ZNF438: variants seen among roughly 807,000 people sequenced by gnomAD.
ZNF438 encodes zinc finger protein 438.
Under a neutral mutation model 38.0 loss-of-function variants are expected in ZNF438, and 25 were observed. That is an observed-to-expected ratio of 0.66 (90% CI 0.48 to 0.92). ZNF438 has a LOEUF of 0.92. Ranked by LOEUF, ZNF438 falls within the 40% of genes least tolerant of loss-of-function variation. The probability of loss-of-function intolerance (pLI) is 0.00; values close to 1 mark genes in which losing one functional copy is unlikely to be tolerated. For synonymous variants in ZNF438, 372 were observed against 364.1 expected, an observed-to-expected ratio of 1.02 and a Z score of -0.25; for missense variants, 1,007 against 999.6, an observed-to-expected ratio of 1.01 and a Z score of -0.10.
chr10:30,979,146 A>T (rs1372203448), intron 1 of ZNF438, among the ~76,000 whole-genome samples: 2 of 152,208 alleles, frequency 1.3e-5, no homozygotes, highest in Non-Finnish European at 2.9e-5. Context: ...TTCCTTTCAA[A>T]ATATTATTGC....
intron 1 of ZNF438, among the ~76,000 whole-genome samples, chr10:30,946,289 G>T (rs929369821): frequency 6.6e-6 from 1 of 152,084 alleles, no homozygotes; most frequent in Non-Finnish European, 1.5e-5. Flanking sequence ...CATGGGCAAG[G>T]ACTTCATGTC....
At chr10:30,855,605 G>C (rs1394772441) in intron 4 of ZNF438, among the ~76,000 whole-genome samples, 1 of 152,182 alleles carries the variant, frequency 6.6e-6, no homozygotes, top group African/African-American at 2.4e-5. Context: ...GAGAAAGACA[G>C]CAAGGCCACA....
At chr10:31,031,134 G>A (rs2057265769) in intron 1 of ZNF438, among the ~76,000 whole-genome samples, 1 of 152,184 alleles carries the variant, frequency 6.6e-6, no homozygotes, top group African/African-American at 2.4e-5. Context: ...GTCGGGGGGA[G>A]GCAAAACAGT....
At chr10:30,929,642 C>T (rs1380542559) in intron 2 of ZNF438, among the ~76,000 whole-genome samples, 1 of 152,200 alleles carries the variant, frequency 6.6e-6, no homozygotes. Flanking sequence ...TGCTTTTATT[C>T]CCTTATCTGG....
At chr10:30,943,115 G>A (rs1762820464) in intron 1 of ZNF438, among the ~76,000 whole-genome samples, 1 of 150,362 alleles carries the variant, frequency 6.7e-6, no homozygotes, top group Non-Finnish European at 1.5e-5. Flanking sequence ...CATTGGTGCT[G>A]TTTTTTTTTC....
intron 1 of ZNF438, among the ~76,000 whole-genome samples, chr10:31,010,383 C>G (rs2055558921): frequency 6.6e-6 from 1 of 152,060 alleles, no homozygotes; most frequent in Non-Finnish European, 1.5e-5. Flanking sequence ...TAGTTCTAAC[C>G]TTTTCCATCA....
At chr10:30,939,892 G>A (rs1589300673) in intron 2 of ZNF438, among the ~76,000 whole-genome samples, 1 of 152,216 alleles carries the variant, frequency 6.6e-6, no homozygotes. Context: ...TCTTGGGAGG[G>A]CTGGCTGAGA....
chr10:30,925,894 A>G (rs900843628), intron 2 of ZNF438, among the ~76,000 whole-genome samples: 3 of 152,216 alleles, frequency 2.0e-5, no homozygotes, highest in Admixed American at 1.3e-4. Flanking sequence ...TACATTTATC[A>G]TAATAGCTGG....
chr10:31,028,657 A>G (rs1442265820), intron 1 of ZNF438, among the ~76,000 whole-genome samples: 1 of 152,158 alleles, frequency 6.6e-6, no homozygotes, highest in Non-Finnish European at 1.5e-5. Flanking sequence ...GTCTACTCTA[A>G]TTTTATTCCC....
intron 1 of ZNF438, among the ~76,000 whole-genome samples, chr10:30,993,212 A>C (rs1360563133): frequency 6.6e-6 from 1 of 152,204 alleles, no homozygotes; most frequent in African/African-American, 2.4e-5. Context: ...CATCAGGACA[A>C]TTAGAGAAAG....
At chr10:30,992,676 G>A (rs1394632714) in intron 1 of ZNF438, among the ~76,000 whole-genome samples, 3 of 152,226 alleles carry the variant, frequency 2.0e-5, no homozygotes, top group Non-Finnish European at 4.4e-5. Context: ...GCCTCCCACA[G>A]TGCAGGGATT....
At chr10:30,927,684 C>A (rs1239277404) in intron 2 of ZNF438, among the ~76,000 whole-genome samples, 1 of 152,174 alleles carries the variant, frequency 6.6e-6, no homozygotes, top group Non-Finnish European at 1.5e-5. Flanking sequence ...AAAATAAACC[C>A]GAAGGGTCTT....
intron 1 of ZNF438, among the ~76,000 whole-genome samples, chr10:30,996,254 A>C (rs1281402206): frequency 3.9e-5 from 6 of 152,164 alleles, no homozygotes. Context: ...CTATATCAGT[A>C]ATCACATTAA....
intron 4 of ZNF438, among the ~76,000 whole-genome samples, chr10:30,863,083 T>C (rs1307383206): frequency 5.3e-5 from 8 of 152,220 alleles, no homozygotes; most frequent in Non-Finnish European, 1.0e-4. Context: ...TCAGCTTTTA[T>C]GTCAAATAGT....
At chr10:30,946,038 AT>A (rs1308687574) in intron 1 of ZNF438, among the ~76,000 whole-genome samples, 7 of 139,290 alleles carry the variant, frequency 5.0e-5, no homozygotes, top group African/African-American at 1.7e-4. Context: ...AAGTGTTCCT[AT>A]TTCTCCACAT....
chr10:30,898,537 C>CT (rs2041626726), intron 3 of ZNF438, among the ~76,000 whole-genome samples: 1 of 151,852 alleles, frequency 6.6e-6, no homozygotes, highest in Admixed American at 6.6e-5. Context: ...TATACACACA[C>CT]ATATATAACT....
At chr10:30,872,079 G>GT (rs893777987) in intron 4 of ZNF438, among the ~76,000 whole-genome samples, 21 of 152,102 alleles carry the variant, frequency 1.4e-4, no homozygotes, top group Non-Finnish European at 2.8e-4. Context: ...AAACTTAACT[G>GT]TAAGGCTGAC....
At chr10:30,955,723 G>A (rs899576742) in intron 1 of ZNF438, among the ~76,000 whole-genome samples, 5 of 152,178 alleles carry the variant, frequency 3.3e-5, no homozygotes, top group African/African-American at 7.2e-5. Context: ...CCCATAGAAC[G>A]ATGAGCTAAA....
chr10:30,942,921 A>C (rs1356788478), intron 1 of ZNF438, among the ~76,000 whole-genome samples: 2 of 152,232 alleles, frequency 1.3e-5, no homozygotes, highest in Non-Finnish European at 2.9e-5. Flanking sequence ...CTGCCTTTTC[A>C]AGGCAGAAGA....
Sources: allele counts gnomAD v4.1 joint callset (sites outside exome capture counted in the v4.1 genomes callset), GRCh38; gene constraint gnomAD v4.1.1; transcripts MANE v1.5; gene names NCBI Gene and HGNC (gene_info 2026-07-23, HGNC 2026-07-21).